PCDHA6: variants seen among roughly 807,000 people sequenced by gnomAD.
PCDHA6 encodes the protein protocadherin alpha-6.
A neutral mutation model predicts 60.3 loss-of-function variants in PCDHA6; 55 were observed. The observed-to-expected ratio is 0.91, with a 90% CI of 0.73 to 1.14. The LOEUF (loss-of-function observed/expected upper bound fraction) is 1.14. Among genes scored for constraint, PCDHA6 ranks in the 50% most tolerant of loss-of-function variants. The pLI is 0.00. For synonymous variants in PCDHA6, 652 were observed against 557.9 expected, an observed-to-expected ratio of 1.17 and a Z score of -2.38; for missense variants, 1,327 against 1,256.5, an observed-to-expected ratio of 1.06 and a Z score of -0.85.
intron 3 of PCDHA6, among the ~76,000 whole-genome samples, chr5:141,004,792 C>G (rs2098181519): frequency 6.6e-6 from 1 of 152,170 alleles, no homozygotes; most frequent in African/African-American, 2.4e-5. Flanking sequence ...CAGGCAGATT[C>G]TGGCTGAGCT....
In PCDHA6 at chr5:140,829,700, G is replaced by A. The variant is rs188962276; in HGVS notation, c.1609G>A (p.Ala537Thr). 1.9e-6 allele frequency: 3 copies of A among 1,613,364 alleles called. No individual in the cohort carries two copies. Among genetic ancestry groups the A allele is most frequent in the Non-Finnish European group, 1.7e-6 (2 of 1,179,872 alleles). Residue 537 changes from alanine to threonine, a missense_variant, in exon 1 of 4, where the codon GCG becomes ACG. Transcript: ENST00000529310. Reference protein sequence around the residue: ...ELELLQFQVSARDAGVPPLGS... With the variant: ...ELELLQFQVSTRDAGVPPLGS... ...AGAGCTGCTGCAGTTTCAGGTGAGC[G>A]CGCGCGACGCGGGCGTGCCGCCTCT...
chr5:140,993,342 C>T (rs1554253606), intron 3 of PCDHA6, among the ~76,000 whole-genome samples: 1 of 151,994 alleles, frequency 6.6e-6, no homozygotes, highest in African/African-American at 2.4e-5. Flanking sequence ...TTGAAGGGCA[C>T]TACGAAGATC....
At chr5:140,867,347 T>C (rs1465501574) in intron 1 of PCDHA6, 1 of 152,144 alleles carries the variant, frequency 6.6e-6, no homozygotes, top group Non-Finnish European at 1.5e-5. Context: ...GAGGCTACTA[T>C]GATTGATTAT....
chr5:140,928,569 G>A (rs2085338493), intron 1 of PCDHA6: 2 of 1,614,202 alleles, frequency 1.2e-6, no homozygotes, highest in Non-Finnish European at 1.7e-6. Flanking sequence ...TGTTTCCCTT[G>A]CCCAGAAATG....
At chr5:140,921,988 A>G (rs1182214376) in intron 1 of PCDHA6, among the ~76,000 whole-genome samples, 1 of 152,132 alleles carries the variant, frequency 6.6e-6, no homozygotes, top group Non-Finnish European at 1.5e-5. Flanking sequence ...ACTAAAAAAG[A>G]GTTCAATGAA....
chr5:140,979,566 G>A (rs2096856791), intron 2 of PCDHA6, among the ~76,000 whole-genome samples: 1 of 152,194 alleles, frequency 6.6e-6, no homozygotes, highest in Non-Finnish European at 1.5e-5. Flanking sequence ...GATGAGCCAT[G>A]TAAAGGGCTC....
intron 1 of PCDHA6, chr5:140,876,689 C>A (rs2056506979): frequency 1.2e-6 from 2 of 1,614,228 alleles, no homozygotes; most frequent in Non-Finnish European, 1.7e-6. Context: ...AATTACTACT[C>A]GTTGGTGCTG....
intron 1 of PCDHA6, chr5:140,877,942 C>T: frequency 7.3e-7 from 1 of 1,367,876 alleles, no homozygotes; most frequent in Admixed American, 3.1e-5. Flanking sequence ...ATCCTTTAAA[C>T]TATCGAATGT....
intron 1 of PCDHA6, among the ~76,000 whole-genome samples, chr5:140,918,211 C>T (rs1554198470): frequency 6.6e-6 from 1 of 152,046 alleles, no homozygotes; most frequent in African/African-American, 2.4e-5. Context: ...TGTTGGTGTA[C>T]AGAAATGCTG....
At chr5:140,940,271 T>C (rs1371680526) in intron 1 of PCDHA6, among the ~76,000 whole-genome samples, 1 of 152,228 alleles carries the variant, frequency 6.6e-6, no homozygotes, top group East Asian at 1.9e-4. Context: ...GGTTCCACTG[T>C]TGTCTCATTG....
rs536777034 is a variant in PCDHA6 at position 140,985,803 on chromosome 5, G to A, written c.2542+3240G>A. Among the ~76,000 whole-genome samples the A allele has an allele frequency of 1.3e-4, 18 of 139,858 alleles. No individual in the cohort carries two copies. In the East Asian group the frequency reaches 1.8e-3, roughly 14 times the overall value. The allele number at this position is 139,858 out of a possible 152,430, so 91.8% of individuals were successfully genotyped here. A position where few individuals can be genotyped will look rare whatever the true frequency, so the allele number is the denominator to read the frequency against. Reference sequence around the variant, plus strand: ...CGCCCAGGCTGGAGTGCAGTGGCACGATCTCAGCTCACAACAAGCTCTGCC... The same window carrying A: ...CGCCCAGGCTGGAGTGCAGTGGCACAATCTCAGCTCACAACAAGCTCTGCC... On this transcript the variant is annotated intron_variant, in intron 3 of 3. Transcript: ENST00000529310.
chr5:140,850,269 G>C lies in PCDHA6; in HGVS notation c.2394+19784G>C, dbSNP rs201513560. ...GTCGGTGGGCGCCGGCGTAGTGGTGGGGAAGGTGCGCGCAGTGGACGCCGA... is the reference window on the plus strand; with the variant it reads ...GTCGGTGGGCGCCGGCGTAGTGGTGCGGAAGGTGCGCGCAGTGGACGCCGA... On this transcript the variant is annotated intron_variant, in intron 1 of 3. Transcript: ENST00000529310. 7 of 1,594,786 alleles carry C rather than the reference G, an allele frequency of 4.4e-6. 1 individual carries two copies. The highest frequency in any genetic ancestry group is 1.3e-5 in the African/African-American group (1 of 74,148).
chr5:140,864,689 C>A (rs970922865), intron 1 of PCDHA6: 4 of 152,202 alleles, frequency 2.6e-5, no homozygotes, highest in African/African-American at 7.2e-5. Context: ...TGCTGTCCTC[C>A]AGTTTAAGTT....
In PCDHA6 at chr5:140,969,008, G is replaced by C. The variant is rs782541476; in HGVS notation, c.2395-9941G>C. 29 of 1,614,076 alleles carry C rather than the reference G, an allele frequency of 1.8e-5. 1 individual carries two copies. In the Admixed American group the frequency reaches 4.8e-4, roughly 27 times the overall value. Reference sequence around the variant, plus strand: ...TGCATGCTGTGGAGGCTTCTGTGGAGTAAGGGAAAGGTCCCCTGCAGAACT... The same window carrying C: ...TGCATGCTGTGGAGGCTTCTGTGGACTAAGGGAAAGGTCCCCTGCAGAACT... On this transcript the variant is annotated intron_variant, in intron 1 of 3. Coordinates refer to ENST00000529310, the MANE Select transcript of PCDHA6 (RefSeq NM_018909.4).
At chr5:140,905,766 A>G (rs782122019) in intron 1 of PCDHA6, among the ~76,000 whole-genome samples, 15 of 152,144 alleles carry the variant, frequency 9.9e-5, no homozygotes, top group African/African-American at 2.7e-4. Flanking sequence ...GGTTAAGTAT[A>G]TTCCGAAGTG....
chr5:140,871,145 C>G, intron 1 of PCDHA6: 1 of 1,613,418 alleles, frequency 6.2e-7, no homozygotes, highest in Non-Finnish European at 8.5e-7. Flanking sequence ...TCTTCCCGGA[C>G]TTTGGCGGGC....
intron 1 of PCDHA6, among the ~76,000 whole-genome samples, chr5:140,910,650 C>T (rs565503828): frequency 6.6e-6 from 1 of 152,312 alleles, no homozygotes; most frequent in East Asian, 1.9e-4. Flanking sequence ...CCTTTTGATC[C>T]CTTCCTCTAC....
chr5:140,964,251 T>A (rs2095820730), intron 1 of PCDHA6, among the ~76,000 whole-genome samples: 2 of 152,330 alleles, frequency 1.3e-5, no homozygotes, highest in Non-Finnish European at 1.5e-5. Flanking sequence ...TGGCTTTATA[T>A]TTGACTCCTT....
chr5:140,925,299 T>C (rs2082428309), intron 1 of PCDHA6, among the ~76,000 whole-genome samples: 1 of 152,200 alleles, frequency 6.6e-6, no homozygotes, highest in African/African-American at 2.4e-5. Context: ...GTTTCATTAT[T>C]GGGGCTTTGG....
Sources: allele counts gnomAD v4.1 joint callset (sites outside exome capture counted in the v4.1 genomes callset), GRCh38; gene constraint gnomAD v4.1.1; transcripts MANE v1.5; gene names NCBI Gene and HGNC (gene_info 2026-07-23, HGNC 2026-07-21).